Variants in CREG1 observed in about 807,000 individuals in gnomAD.
CREG1 encodes cellular repressor of E1A stimulated genes 1.
Under a neutral mutation model 19.9 loss-of-function variants are expected in CREG1, and 20 were observed. That is an observed-to-expected ratio of 1.01 (90% CI 0.71 to 1.46). CREG1 has a LOEUF of 1.46. Ranked by LOEUF, CREG1 falls within the 40% of genes most tolerant of loss-of-function variation. The pLI is 0.00. For synonymous variants in CREG1, 141 were observed against 143.3 expected, an observed-to-expected ratio of 0.98 and a Z score of 0.12; for missense variants, 290 against 314.9, an observed-to-expected ratio of 0.92 and a Z score of 0.60.
At chr1:167,544,554 G>T (rs1656286508) in intron 3 of CREG1, among the ~76,000 whole-genome samples, 1 of 152,044 alleles carries the variant, frequency 6.6e-6, no homozygotes, top group South Asian at 2.1e-4. Flanking sequence ...TGAGCTAGGA[G>T]CCTGGCCAGC....
At position 167,541,124 on chromosome 1, in the gene CREG1, A is replaced by C. The variant is rs934932596; in HGVS notation, c.*1174T>G. Reference sequence around the variant, plus strand: ...AGAACCTGTTTGCTGGATCTCAGTTAAGTTCACTTTGCAGTTTTCAGACAC... The same window carrying C: ...AGAACCTGTTTGCTGGATCTCAGTTCAGTTCACTTTGCAGTTTTCAGACAC... On this transcript the variant is annotated 3_prime_UTR_variant, in exon 4 of 4. Coordinates refer to ENST00000370509, the MANE Select transcript of CREG1 (RefSeq NM_003851.3). 6.6e-6 allele frequency: 1 copy of C among 152,206 alleles called. No homozygotes were observed. Among genetic ancestry groups the C allele is most frequent in the Non-Finnish European group, 1.5e-5 (1 of 68,044 alleles). The allele number at this position is 152,206 out of a possible 1,614,324, so 9.4% of individuals were successfully genotyped here.
intron 3 of CREG1, among the ~76,000 whole-genome samples, chr1:167,543,127 G>C (rs528732796): frequency 6.6e-6 from 1 of 152,046 alleles, no homozygotes; most frequent in African/African-American, 2.4e-5. Context: ...GGTGCCTGTG[G>C]TCCCAGCTGC....
intron 3 of CREG1, among the ~76,000 whole-genome samples, chr1:167,545,805 G>GA (rs1571625132): frequency 2.0e-5 from 3 of 147,930 alleles, no homozygotes; most frequent in Non-Finnish European, 1.5e-5. Flanking sequence ...ACTCTGTCTT[G>GA]AAAAAAAAAG....
intron 3 of CREG1, among the ~76,000 whole-genome samples, chr1:167,545,602 A>G (rs1026443258): frequency 6.6e-6 from 1 of 152,138 alleles, no homozygotes; most frequent in Non-Finnish European, 1.5e-5. Flanking sequence ...TGAGGCAGGC[A>G]GACTGCCTGA....
chr1:167,548,267 G>A (rs1431592808), intron 1 of CREG1, 146 bp from the exon 2 acceptor site: 1 of 579,172 alleles, frequency 1.7e-6, no homozygotes, highest in Non-Finnish European at 2.9e-6. Flanking sequence ...TCCACTCAGG[G>A]GAAAATAATA....
intron 3 of CREG1, among the ~76,000 whole-genome samples, chr1:167,543,202 G>A (rs1006398781): frequency 2.0e-5 from 3 of 150,588 alleles, no homozygotes; most frequent in Admixed American, 6.6e-5. Flanking sequence ...AGCTGAGATC[G>A]CACCACCACA....
chr1:167,553,554 G>T lies in CREG1; in HGVS notation c.188C>A (p.Thr63Lys). The T allele has an allele frequency of 6.8e-7, 1 of 1,468,494 alleles. No homozygotes were observed. The highest frequency in any genetic ancestry group is 1.5e-5 in the African/African-American group (1 of 68,298). The allele number at this position is 1,468,494 out of a possible 1,614,324, so 91.0% of individuals were successfully genotyped here. A position where few individuals can be genotyped will look rare whatever the true frequency, so the allele number is the denominator to read the frequency against. ...EDAARVARFVTHVSDWGALAT... is the reference protein window; with the variant it reads ...EDAARVARFVKHVSDWGALAT... ...CAGAGCGCCCCAGTCGGAGACGTGC[G>T]TCACGAAGCGGGCCACGCGCGCCGC... Residue 63 changes from threonine to lysine, a missense_variant, in exon 1 of 4, where the codon ACG becomes AAG. Transcript: ENST00000370509.
intron 3 of CREG1, 69 bp from the exon 4 acceptor site, chr1:167,542,370 C>T (rs1019090611): frequency 3.6e-5 from 52 of 1,442,306 alleles, no homozygotes; most frequent in Non-Finnish European, 4.8e-5. Flanking sequence ...TTAATTCATT[C>T]TAGGGAAGGA....
intron 3 of CREG1, among the ~76,000 whole-genome samples, chr1:167,543,056 G>C (rs1328826320): frequency 1.3e-5 from 2 of 152,074 alleles, no homozygotes; most frequent in African/African-American, 4.8e-5. Flanking sequence ...GACCATCCTG[G>C]CTGACATGAT....
intron 1 of CREG1, 29 bp from the exon 2 acceptor site, chr1:167,548,150 T>G: frequency 6.4e-7 from 1 of 1,570,158 alleles, no homozygotes. Context: ...GATCCTCTCA[T>G]GTGAAATATG....
chr1:167,546,033 C>A (rs1432068510), intron 3 of CREG1, 68 bp downstream of exon 3: 2 of 1,391,612 alleles, frequency 1.4e-6, no homozygotes, highest in East Asian at 2.4e-5. Flanking sequence ...TTAAACCCCC[C>A]TTGCCTTAGA....
chr1:167,544,509 A>C (rs1477605374), intron 3 of CREG1, among the ~76,000 whole-genome samples: 1 of 152,076 alleles, frequency 6.6e-6, no homozygotes, highest in Non-Finnish European at 1.5e-5. Context: ...ACAGCAGTCA[A>C]TCATTACAAG....
In CREG1 at chr1:167,546,114, T is replaced by C; in HGVS notation, c.646A>G (p.Asn216Asp). ...PKIVTPEEYY[N>D]VTVQ ...GTAAGTACTTACTGAACTGTGACAT[T>C]ATAATATTCTTCTGGTGTCACGATT... The change falls in exon 3 of 4, where the codon AAT becomes GAT. Residue 216 changes from asparagine to aspartate, a missense_variant. Coordinates refer to ENST00000370509, the MANE Select transcript of CREG1 (RefSeq NM_003851.3). 6.2e-7 allele frequency: 1 copy of C among 1,602,666 alleles called. No homozygotes were observed. Among genetic ancestry groups the C allele is most frequent in the Non-Finnish European group, 8.5e-7 (1 of 1,175,682 alleles).
chr1:167,553,473 G>C lies in CREG1; in HGVS notation c.269C>G (p.Ser90Trp), dbSNP rs982246929. Residue 90 changes from serine (S) to tryptophan (W), a missense_variant, in exon 1 of 4, where the codon TCG (serine) becomes TGG (tryptophan). Physicochemically the swap from Ser to Trp is radical, Grantham distance 177 (BLOSUM62 -3). Coordinates refer to ENST00000370509, the MANE Select transcript of CREG1 (RefSeq NM_003851.3). ...VRGRPFADVL[S>W]LSDGPPGAGS... Reference sequence around the variant, plus strand: ...CGCGCCCGGGGGCCCGTCGCTGAGCGAGAGGACGTCGGCGAAGGGCCGGCC... The same window carrying C: ...CGCGCCCGGGGGCCCGTCGCTGAGCCAGAGGACGTCGGCGAAGGGCCGGCC... The C allele has an allele frequency of 1.3e-6, 2 of 1,486,624 alleles. No homozygotes were observed. Among genetic ancestry groups the C allele is most frequent in the Admixed American group, 2.2e-5 (1 of 44,464 alleles). 92.1% of individuals were successfully genotyped at this position (1,486,624 alleles called of 1,614,324 possible).
intron 3 of CREG1, among the ~76,000 whole-genome samples, chr1:167,543,046 G>C (rs1656252951): frequency 6.6e-6 from 1 of 152,110 alleles, no homozygotes; most frequent in South Asian, 2.1e-4. Context: ...AGGAGATTGA[G>C]ACCATCCTGG....
intron 3 of CREG1, 99 bp downstream of exon 3, chr1:167,546,002 T>A: frequency 1.1e-6 from 1 of 886,342 alleles, no homozygotes. Flanking sequence ...CTGCCCAGGG[T>A]GTCCAGGGCA....
chr1:167,551,614 T>G (rs991243809), intron 1 of CREG1, among the ~76,000 whole-genome samples: 1 of 152,194 alleles, frequency 6.6e-6, no homozygotes, highest in Non-Finnish European at 1.5e-5. Context: ...CTCACAAATT[T>G]AAATATGATT....
intron 3 of CREG1, among the ~76,000 whole-genome samples, chr1:167,543,406 G>C (rs763173744): frequency 6.6e-6 from 1 of 152,204 alleles, no homozygotes; most frequent in East Asian, 1.9e-4. Context: ...GCTCTCACAA[G>C]TGGCAGTCTC....
chr1:167,543,201 C>T (rs1258502866), intron 3 of CREG1, among the ~76,000 whole-genome samples: 2 of 150,830 alleles, frequency 1.3e-5, no homozygotes, highest in African/African-American at 2.4e-5. Flanking sequence ...GAGCTGAGAT[C>T]GCACCACCAC....
Sources: gnomAD v4.1 joint callset for allele counts (sites outside exome capture counted in the v4.1 genomes callset) on GRCh38, gnomAD v4.1.1 for gene constraint, MANE v1.5 for transcripts, NCBI Gene and HGNC (gene_info 2026-07-23, HGNC 2026-07-21) for gene names.